The following CAPN2 variants were observed in gnomAD, a reference collection of about 807,000 sequenced individuals.
The protein encoded by CAPN2 is calpain 2.
Under a neutral mutation model 102.3 loss-of-function variants are expected in CAPN2, and 92 were observed. The ratio of observed to expected loss-of-function variants is 0.90; its 90% CI spans 0.76 to 1.07. The LOEUF is 1.07. CAPN2 is among the 50% of genes least tolerant of loss of function. CAPN2 has a pLI of 0.00. For missense variants in CAPN2, 800 were observed against 909.4 expected (o/e 0.88, Z 1.55); for synonymous variants, 340 against 355.4 (o/e 0.96, Z 0.49).
intron 16 of CAPN2, among the ~76,000 whole-genome samples, chr1:223,768,119 A>T (rs1311659502): frequency 2.0e-5 from 3 of 151,582 alleles, no homozygotes; most frequent in African/African-American, 7.3e-5. Flanking sequence ...GGTTGCGAAA[A>T]TTTTCTCCCA....
upstream of CAPN2, among the ~76,000 whole-genome samples, chr1:223,712,070 T>C (rs766431169): frequency 3.3e-5 from 5 of 152,220 alleles, no homozygotes; most frequent in Admixed American, 2.6e-4. Context: ...TTTTCTCATC[T>C]GTAAAATGGG....
intron 16 of CAPN2, among the ~76,000 whole-genome samples, chr1:223,767,333 TC>T (rs1380275649): frequency 1.4e-5 from 1 of 73,256 alleles, no homozygotes; most frequent in African/African-American, 5.5e-5. Flanking sequence ...ATGCCATCCC[TC>T]CCCCCTCCCC....
At chr1:223,763,203 C>CAA (rs776250358) in intron 14 of CAPN2, among the ~76,000 whole-genome samples, 1 of 133,288 alleles carries the variant, frequency 7.5e-6, no homozygotes, top group Non-Finnish European at 1.6e-5. Context: ...CCAACAACTC[C>CAA]AAAAAAAAAA....
chr1:223,749,301 C>T (rs1024220493), intron 6 of CAPN2, 179 bp downstream of exon 6: 5 of 602,688 alleles, frequency 8.3e-6, no homozygotes, highest in Non-Finnish European at 1.5e-5. Flanking sequence ...GCTCGGGCGC[C>T]GGGTGCGCCG....
chr1:223,712,383 A>G (rs1446205826), upstream of CAPN2: 2 of 959,636 alleles, frequency 2.1e-6, no homozygotes, highest in Non-Finnish European at 2.5e-6. Flanking sequence ...AGATGGCAGC[A>G]CCGGCCCCGG....
At chr1:223,724,688 G>A (rs910297043) in intron 2 of CAPN2, among the ~76,000 whole-genome samples, 3 of 152,184 alleles carry the variant, frequency 2.0e-5, no homozygotes, top group Non-Finnish European at 2.9e-5. Flanking sequence ...TCAATAAACA[G>A]GCAGGGCATG....
In CAPN2 at chr1:223,759,170, C is replaced by A; in HGVS notation, c.1318-100C>A. 1 of 1,128,252 alleles carries A rather than the reference C, an allele frequency of 8.9e-7. No individual in the cohort carries two copies. Among genetic ancestry groups the A allele is most frequent in the Non-Finnish European group, 1.3e-6 (1 of 754,480 alleles). The allele number at this position is 1,128,252 out of a possible 1,614,324, so 69.9% of individuals were successfully genotyped here. On this transcript the variant is annotated intron_variant, in intron 11 of 20. Coordinates refer to ENST00000295006, the MANE Select transcript of CAPN2 (RefSeq NM_001748.5). The surrounding 1 kb of genome is among the most constrained non-coding windows in gnomAD (Gnocchi z 4.6). ...TATACACCAGGACAGCAGGACTGAG[C>A]CACCACACTACCCAACTGCTTTTAT... is the stretch of plus-strand genomic sequence containing the variant.
chr1:223,767,444 G>T (rs565738671), intron 16 of CAPN2, among the ~76,000 whole-genome samples: 4,008 of 143,222 alleles, frequency 0.028, 178 homozygotes, highest in African/African-American at 0.1. Context: ...GCGGTGTTTG[G>T]TTTTTTGTTC....
rs971587954 is a variant in CAPN2 at position 223,727,312 on chromosome 1, G to A, written c.307+9481G>A. 5.9e-5 allele frequency among the ~76,000 whole-genome samples: 9 copies of A among 152,134 alleles called. No homozygotes were observed. Among genetic ancestry groups the A allele is most frequent in the Non-Finnish European group, 1.2e-4 (8 of 68,050 alleles). On this transcript the variant is annotated intron_variant, in intron 2 of 20. Transcript: ENST00000295006. This position sits in a 1 kb window ranked among gnomAD's most constrained non-coding sequence, Gnocchi z 4.1. Reference sequence around the variant, plus strand: ...TTTCTCAACCTTGGCACAACTGACTGGATAATTGTTCATTGTAGGGGGCTG... The same window carrying A: ...TTTCTCAACCTTGGCACAACTGACTAGATAATTGTTCATTGTAGGGGGCTG...
Position 223,749,039 on chromosome 1 carries a change from A to G in CAPN2, c.730A>G (p.Ile244Val). 6.2e-7 allele frequency: 1 copy of G among 1,613,858 alleles called. No individual in the cohort carries two copies. Residue 244 changes from isoleucine (I) to valine (V), a missense_variant and splice_region_variant, in exon 6 of 21, where the codon ATC becomes GTC. By Grantham distance (29) the Ile-to-Val change is conservative. Coordinates refer to ENST00000295006, the MANE Select transcript of CAPN2 (RefSeq NM_001748.5). ...KGSLLGCSID[I>V]TSAADSEAIT... ...AGTCTGACGGTTGCTGTGTTTGCAG[A>G]TCACCAGCGCCGCGGACTCGGAGGC... is the stretch of plus-strand genomic sequence containing the variant.
chr1:223,743,673 TCCCATTCAAAG>T lies in CAPN2; in HGVS notation c.308-424_308-414del, dbSNP rs529992840. ...GTACGCCACCACACCCAGCCCAAAC[TCCCATTCAAAG>T]CCTGTGTGCTCAGAAGCCTCTGCAG... On this transcript the variant is annotated intron_variant, in intron 2 of 20. Transcript: ENST00000295006. Among the ~76,000 whole-genome samples the T allele has an allele frequency of 1.6e-4, 24 of 152,072 alleles. No homozygotes were observed. In the East Asian group the frequency reaches 3.5e-3, roughly 22 times the overall value.
chr1:223,739,011 AGGAT>A (rs1660540068), intron 2 of CAPN2, among the ~76,000 whole-genome samples: 1 of 152,156 alleles, frequency 6.6e-6, no homozygotes, highest in South Asian at 2.1e-4. Flanking sequence ...CCCAGGCAGC[AGGAT>A]GGAGGGTGTA....
Position 223,759,037 on chromosome 1 carries a change from G to C in CAPN2, c.1318-233G>C, listed in dbSNP as rs946980196. The stretch of plus-strand genomic sequence containing the variant: ...ATGACCCAGGCATTGTCACTGTACT[G>C]CTATTTTTTTAAAAAAATTTTGTTG... On this transcript the variant is annotated intron_variant, in intron 11 of 20. Coordinates refer to ENST00000295006, the MANE Select transcript of CAPN2 (RefSeq NM_001748.5). The surrounding 1 kb of genome is among the most constrained non-coding windows in gnomAD (Gnocchi z 4.6). 1.1e-5 allele frequency: 6 copies of C among 555,102 alleles called. No individual in the cohort carries two copies. The highest frequency in any genetic ancestry group is 1.9e-5 in the Non-Finnish European group (6 of 309,152). 34.4% of individuals were successfully genotyped at this position (555,102 alleles called of 1,614,324 possible). A position where few individuals can be genotyped will look rare whatever the true frequency, so the allele number is the denominator to read the frequency against.
Position 223,749,053 on chromosome 1 carries a change from G to A in CAPN2, c.744G>A (p.Ala248=). 1 of 1,614,066 alleles carries A rather than the reference G, an allele frequency of 6.2e-7. No individual in the cohort carries two copies. The highest frequency in any genetic ancestry group is 1.6e-4 in the Middle Eastern group (1 of 6,062). ...TGTGTTTGCAGATCACCAGCGCCGCGGACTCGGAGGCCATCACGTTTCAGA... is the reference window on the plus strand; with the variant it reads ...TGTGTTTGCAGATCACCAGCGCCGCAGACTCGGAGGCCATCACGTTTCAGA... The part of the protein sequence containing the change: ...LGCSIDITSA[A]DSEAITFQKL... Residue 248 remains alanine, a synonymous_variant, in exon 6 of 21, where the codon GCG becomes GCA. Coordinates refer to ENST00000295006, the MANE Select transcript of CAPN2 (RefSeq NM_001748.5).
intron 1 of CAPN2, among the ~76,000 whole-genome samples, chr1:223,716,648 G>A (rs916790069): frequency 1.3e-5 from 2 of 151,862 alleles, no homozygotes; most frequent in African/African-American, 2.4e-5. Context: ...TTGGGTGGAG[G>A]CAGGCGTGTG....
At chr1:223,770,316 A>G in intron 17 of CAPN2, 131 bp from the exon 18 acceptor site, 2 of 637,578 alleles carry the variant, frequency 3.1e-6, no homozygotes, top group Non-Finnish European at 5.7e-6. Context: ...CAGAAACATA[A>G]GTGATTCTTC....
chr1:223,723,844 G>A (rs1660121144), intron 2 of CAPN2, among the ~76,000 whole-genome samples: 1 of 105,432 alleles, frequency 9.5e-6, no homozygotes, highest in Admixed American at 1.0e-4. Flanking sequence ...TAGGAGCAGT[G>A]GGACCCCCTT....
intron 4 of CAPN2, 25 bp downstream of exon 4, chr1:223,745,464 C>G: frequency 6.2e-7 from 1 of 1,613,808 alleles, no homozygotes; most frequent in Non-Finnish European, 8.5e-7. Context: ...TCCCCTGGCC[C>G]CATGGCCTTC....
chr1:223,729,157 A>G (rs1660269150), intron 2 of CAPN2, among the ~76,000 whole-genome samples: 1 of 152,198 alleles, frequency 6.6e-6, no homozygotes, highest in African/African-American at 2.4e-5. Context: ...ATGGCTTGAC[A>G]TGCAATTTTT....
Sources: gnomAD v4.1 joint callset for allele counts (sites outside exome capture counted in the v4.1 genomes callset) on GRCh38, gnomAD v4.1.1 for gene constraint, Gnocchi (gnomAD v3.1) non-coding constraint, MANE v1.5 for transcripts, NCBI Gene and HGNC (gene_info 2026-07-23, HGNC 2026-07-21) for gene names.